PIP5K1B: variants seen among roughly 807,000 people sequenced by gnomAD.
PIP5K1B encodes the protein phosphatidylinositol-4-phosphate 5-kinase type 1 beta.
A neutral mutation model predicts 67.0 loss-of-function variants in PIP5K1B; 42 were observed. That is an observed-to-expected ratio of 0.63 (90% confidence interval 0.49 to 0.81). The LOEUF is 0.81. PIP5K1B is among the 30% of genes least tolerant of loss of function. The pLI is 0.00. For missense variants in PIP5K1B, 459 were observed against 646.3 expected (o/e 0.71, Z 3.14); for synonymous variants, 214 against 231.4 (o/e 0.92, Z 0.68).
At chr9:68,869,108 C>G (rs1284187093) in intron 5 of PIP5K1B, among the ~76,000 whole-genome samples, 1 of 152,198 alleles carries the variant, frequency 6.6e-6, no homozygotes, top group Non-Finnish European at 1.5e-5. Flanking sequence ...ATGACATAAA[C>G]TTATCCAAGA....
At chr9:68,959,640 A>AGAGTT (rs1421229142) in intron 14 of PIP5K1B, among the ~76,000 whole-genome samples, 2 of 152,270 alleles carry the variant, frequency 1.3e-5, no homozygotes, top group East Asian at 3.9e-4. Context: ...TTCTCCAAGT[A>AGAGTT]GAGTTGCATC....
At chr9:68,746,471 C>T (rs916977168) in intron 2 of PIP5K1B, among the ~76,000 whole-genome samples, 3 of 152,000 alleles carry the variant, frequency 2.0e-5, no homozygotes, top group Non-Finnish European at 4.4e-5. Context: ...TTTCTCTCCT[C>T]TCTCTGTCTC....
At chr9:68,723,207 A>C (rs1369806317) in intron 1 of PIP5K1B, among the ~76,000 whole-genome samples, 1 of 110,864 alleles carries the variant, frequency 9.0e-6, no homozygotes, top group African/African-American at 3.5e-5. Context: ...AGGGAGAGAG[A>C]GAGAGAGACG....
intron 2 of PIP5K1B, among the ~76,000 whole-genome samples, chr9:68,811,732 C>T (rs1298424775): frequency 6.6e-6 from 1 of 152,178 alleles, no homozygotes; most frequent in Non-Finnish European, 1.5e-5. Flanking sequence ...GTTCACCCAT[C>T]ACTTTTATAA....
intron 14 of PIP5K1B, among the ~76,000 whole-genome samples, chr9:68,954,546 A>T (rs141905206): frequency 1.3e-5 from 2 of 152,236 alleles, no homozygotes; most frequent in Non-Finnish European, 2.9e-5. Flanking sequence ...ATCCAAAATC[A>T]GTATGTTTCT....
Position 68,940,665 on chromosome 9 carries a change from G to A in PIP5K1B, c.1377G>A (p.Arg459=). The change falls in exon 14 of 16, where the codon AGG becomes AGA. Residue 459 remains arginine, a synonymous_variant. Coordinates refer to ENST00000265382, the MANE Select transcript of PIP5K1B (RefSeq NM_003558.4). ...LDEEALGSRH[R]PDLVPSTPSL... is the part of the protein sequence containing the mutation. ...TCCTAGCCCTGGGATCCCGACACAG[G>A]CCAGACCTGGTCCCTAGCACTCCAT... 6.2e-7 allele frequency: 1 copy of A among 1,613,994 alleles called. No individual in the cohort carries two copies.
At chr9:68,731,588 C>G (rs768714641) in intron 1 of PIP5K1B, among the ~76,000 whole-genome samples, 69 of 152,138 alleles carry the variant, frequency 4.5e-4, no homozygotes, top group Non-Finnish European at 1.5e-4. Context: ...ATGTGTGATC[C>G]TTGCTGTCAG....
At chr9:68,789,356 C>T (rs1343012698) in intron 2 of PIP5K1B, 1 of 387,096 alleles carries the variant, frequency 2.6e-6, no homozygotes, top group East Asian at 6.4e-5. Flanking sequence ...ATCACAATCA[C>T]ATTGTCCTTC....
chr9:68,829,569 C>G (rs1334993363), intron 4 of PIP5K1B, among the ~76,000 whole-genome samples: 1 of 152,076 alleles, frequency 6.6e-6, no homozygotes, highest in East Asian at 1.9e-4. Context: ...AGGATGGACC[C>G]CCAAAACAAA....
At chr9:68,789,849 C>G (rs1831859970) in intron 2 of PIP5K1B, among the ~76,000 whole-genome samples, 2 of 152,186 alleles carry the variant, frequency 1.3e-5, no homozygotes, top group African/African-American at 4.8e-5. Flanking sequence ...GATGCTTGCT[C>G]CACCTTATGA....
intron 2 of PIP5K1B, chr9:68,780,101 G>A (rs927959254): frequency 4.1e-6 from 6 of 1,473,568 alleles, no homozygotes; most frequent in African/African-American, 2.9e-5. Flanking sequence ...GGCGGCCCTG[G>A]ACTGCGGGGA....
At chr9:68,962,269 CAA>C (rs10543538) in intron 14 of PIP5K1B, among the ~76,000 whole-genome samples, 41,325 of 151,910 alleles carry the variant, frequency 0.27, 6,445 homozygotes, top group East Asian at 0.52. Flanking sequence ...TGTGTAAAAT[CAA>C]AAGATTTGAG....
At chr9:68,800,307 CTT>C (rs2131976632) in intron 2 of PIP5K1B, among the ~76,000 whole-genome samples, 1 of 152,328 alleles carries the variant, frequency 6.6e-6, no homozygotes, top group South Asian at 2.1e-4. Flanking sequence ...TAGACCTTGC[CTT>C]TCGAATGCAA....
chr9:68,766,705 C>T (rs575706002), intron 2 of PIP5K1B, among the ~76,000 whole-genome samples: 393 of 152,060 alleles, frequency 2.6e-3, no homozygotes, highest in Admixed American at 6.9e-3. Context: ...CTATTTTTTT[C>T]TATGTGTCTG....
intron 6 of PIP5K1B, among the ~76,000 whole-genome samples, chr9:68,880,592 T>TATAC (rs1824147212): frequency 1.3e-5 from 1 of 77,004 alleles, no homozygotes; most frequent in African/African-American, 3.7e-5. Context: ...CACACACGCA[T>TATAC]ACACACACAC....
intron 2 of PIP5K1B, among the ~76,000 whole-genome samples, chr9:68,763,004 G>T (rs1830255318): frequency 6.6e-6 from 1 of 152,120 alleles, no homozygotes; most frequent in Non-Finnish European, 1.5e-5. Context: ...GCACAGTGGG[G>T]AACAGATTCA....
rs1830345593 is a variant in PIP5K1B at position 68,991,160 on chromosome 9, C to G, written c.1523C>G (p.Ser508Ter). Residue 508 changes from serine to a stop codon, truncating the protein, a stop_gained, in exon 15 of 16, where the codon TCA becomes TGA. Transcript: ENST00000265382. LOFTEE classifies it high-confidence loss of function. ...YSNSKGLPSS[S>*]TFTLEEGTIY... The stretch of plus-strand genomic sequence containing the variant: ...TCCAGCAAAGGGTTACCTTCCAGTT[C>G]AACATTTACCTTGGAAGAGGGGACC... 6.2e-7 allele frequency: 1 copy of G among 1,604,792 alleles called. No individual in the cohort carries two copies.
chr9:68,780,807 A>G, intron 2 of PIP5K1B: 2 of 1,614,206 alleles, frequency 1.2e-6, no homozygotes, highest in Non-Finnish European at 1.7e-6. Flanking sequence ...ATATCAGCCA[A>G]AGAGATTTTT....
At chr9:68,990,674 T>A (rs1050741065) in intron 14 of PIP5K1B, among the ~76,000 whole-genome samples, 25 of 69,878 alleles carry the variant, frequency 3.6e-4, no homozygotes, top group South Asian at 1.5e-3. Context: ...TACTATATAT[T>A]TTTTTTTTGA....
Sources: allele counts gnomAD v4.1 joint callset (sites outside exome capture counted in the v4.1 genomes callset), GRCh38; gene constraint gnomAD v4.1.1; transcripts MANE v1.5; gene names NCBI Gene and HGNC (gene_info 2026-07-23, HGNC 2026-07-21).